GPR153: variants seen among roughly 807,000 people sequenced by gnomAD.
The protein encoded by GPR153 is G protein-coupled receptor 153.
A neutral mutation model predicts 34.1 loss-of-function variants in GPR153; 27 were observed. The ratio of observed to expected loss-of-function variants is 0.79; its 90% CI spans 0.58 to 1.09. GPR153 has a LOEUF of 1.09. Among genes scored for constraint, GPR153 ranks in the 50% least tolerant of loss-of-function variants. GPR153 has a pLI of 0.00. For missense variants in GPR153, 848 were observed against 860.2 expected, an observed-to-expected ratio of 0.99 and a Z score of 0.18; for synonymous variants, 408 against 405.4, an observed-to-expected ratio of 1.01 and a Z score of -0.08.
In GPR153 at chr1:6,250,485, G is replaced by C. The variant is rs1638420151; in HGVS notation, c.1119C>G (p.Leu373=). 1.9e-6 allele frequency: 3 copies of C among 1,610,262 alleles called. No individual in the cohort carries two copies. In the East Asian group the frequency reaches 6.7e-5, roughly 36 times the overall value. Residue 373 remains leucine (L), a synonymous_variant, in exon 5 of 6, where the codon CTC becomes CTG. Coordinates refer to ENST00000377893, the MANE Select transcript of GPR153 (RefSeq NM_207370.4). ...CCTCCTGCAAGGGCCGCAGTGGGTA[G>C]AGCTGGGGCAGGCCCCCCTCCAGGG... The part of the protein sequence containing the change: ...ISALEGGLPQ[L]YPLRPLQEDK...
intron 1 of GPR153, among the ~76,000 whole-genome samples, chr1:6,258,858 CTGG>C (rs907802702): frequency 3.3e-5 from 5 of 152,202 alleles, no homozygotes; most frequent in African/African-American, 1.2e-4. Flanking sequence ...GTGTTGATTA[CTGG>C]TGCAGGGTGG....
Position 6,249,170 on chromosome 1 carries a change from A to C in GPR153, c.*168T>G. On this transcript the variant is annotated 3_prime_UTR_variant, in exon 6 of 6. Coordinates refer to ENST00000377893, the MANE Select transcript of GPR153 (RefSeq NM_207370.4). This position sits in a 1 kb window ranked among gnomAD's most constrained non-coding sequence, Gnocchi z 4.3. ...GTCCGGGGCAGCCGTCGCCCCTGGGACAAGGCCAGCTGGGAGGAGCCGGAA... is the reference window on the plus strand; with the variant it reads ...GTCCGGGGCAGCCGTCGCCCCTGGGCCAAGGCCAGCTGGGAGGAGCCGGAA... 2.1e-6 allele frequency: 1 copy of C among 485,108 alleles called. No homozygotes were observed. Among genetic ancestry groups the C allele is most frequent in the Non-Finnish European group, 3.2e-6 (1 of 308,794 alleles). 30.1% of individuals were successfully genotyped at this position (485,108 alleles called of 1,614,324 possible).
At position 6,248,980 on chromosome 1, in the gene GPR153, CCT is replaced by C. The variant is rs1180105876; in HGVS notation, c.*356_*357del. 1.0e-5 allele frequency: 2 copies of C among 194,890 alleles called. No individual in the cohort carries two copies. Among genetic ancestry groups the C allele is most frequent in the Non-Finnish European group, 2.1e-5 (2 of 96,634 alleles). The allele number at this position is 194,890 out of a possible 1,614,324, so 12.1% of individuals were successfully genotyped here. A position where few individuals can be genotyped will look rare whatever the true frequency, so the allele number is the denominator to read the frequency against. On this transcript the variant is annotated 3_prime_UTR_variant, in exon 6 of 6. Coordinates refer to ENST00000377893, the MANE Select transcript of GPR153 (RefSeq NM_207370.4). ...GGGCTTTGTCCGATCCCGCAGTGGC[CCT>C]GTCTCAGGTTCCCTGCTCCCGACGT...
Position 6,250,511 on chromosome 1 carries a change from CGGA to C in GPR153, c.1090_1092del (p.Ser364del). 2 of 1,609,742 alleles carry C rather than the reference CGGA, an allele frequency of 1.2e-6. No homozygotes were observed. The highest frequency in any genetic ancestry group is 2.2e-5 in the South Asian group (2 of 89,894). On this transcript the variant is annotated inframe_deletion, in exon 5 of 6. Transcript: ENST00000377893. ...AGCTGGGGCAGGCCCCCCTCCAGGG[CGGA>C]GATCTCATACTTGGCCATCCTATCT...
intron 1 of GPR153, among the ~76,000 whole-genome samples, chr1:6,260,179 T>G (rs923170187): frequency 1.3e-5 from 2 of 151,970 alleles, no homozygotes; most frequent in Non-Finnish European, 2.9e-5. Flanking sequence ...AACCCAGAAC[T>G]TGAAAGGATT....
rs1638335525 is a variant in GPR153 at position 6,247,859 on chromosome 1, T to C, written c.*1479A>G. On this transcript the variant is annotated 3_prime_UTR_variant, in exon 6 of 6. Coordinates refer to ENST00000377893, the MANE Select transcript of GPR153 (RefSeq NM_207370.4). The stretch of plus-strand genomic sequence containing the variant: ...TGTGGCCACAGCTCATACCCCCAGT[T>C]ACCCCACAGCCAGGGACTGGAGGGG... 6.6e-6 allele frequency: 1 copy of C among 152,296 alleles called. No homozygotes were observed. The highest frequency in any genetic ancestry group is 2.1e-4 in the South Asian group (1 of 4,834). The allele number at this position is 152,296 out of a possible 1,614,324, so 9.4% of individuals were successfully genotyped here. A position where few individuals can be genotyped will look rare whatever the true frequency, so the allele number is the denominator to read the frequency against.
chr1:6,258,548 G>A (rs1449509679), intron 1 of GPR153, among the ~76,000 whole-genome samples: 2 of 152,190 alleles, frequency 1.3e-5, no homozygotes, highest in African/African-American at 2.4e-5. Context: ...CAGGAGTGAG[G>A]GGAGCACTGG....
chr1:6,254,663 A>G lies in GPR153; in HGVS notation c.243T>C (p.Gly81=). The stretch of plus-strand genomic sequence containing the variant: ...AGGTGGACACGAAGACCTTGCAGAG[A>G]CCCTCATTCCACTCGAAGTCGGGGC... The part of the protein sequence containing the change: ...RQRPDFEWNE[G]LCKVFVSTFY... The change falls in exon 2 of 6, where the codon GGT becomes GGC. Residue 81 remains glycine (G), a synonymous_variant. Coordinates refer to ENST00000377893, the MANE Select transcript of GPR153 (RefSeq NM_207370.4). The G allele has an allele frequency of 3.7e-6, 6 of 1,613,610 alleles. No individual in the cohort carries two copies. Among genetic ancestry groups the G allele is most frequent in the Non-Finnish European group, 5.1e-6 (6 of 1,179,854 alleles).
chr1:6,255,983 A>AG (rs1156494529), intron 1 of GPR153, among the ~76,000 whole-genome samples: 2 of 152,066 alleles, frequency 1.3e-5, no homozygotes, highest in Non-Finnish European at 2.9e-5. Flanking sequence ...ATTATAGAGA[A>AG]GGGGTCTTGC....
At position 6,249,522 on chromosome 1, in the gene GPR153, C is replaced by T; in HGVS notation, c.1646G>A (p.Gly549Glu). 1 of 1,216,198 alleles carries T rather than the reference C, an allele frequency of 8.2e-7. No individual in the cohort carries two copies. Among genetic ancestry groups the T allele is most frequent in the Non-Finnish European group, 1.0e-6 (1 of 979,278 alleles). The allele number at this position is 1,216,198 out of a possible 1,614,324, so 75.3% of individuals were successfully genotyped here. A position where few individuals can be genotyped will look rare whatever the true frequency, so the allele number is the denominator to read the frequency against. ...GTGCGAGTGCGCAGAGGGGCGTGGCCCTGGGCTCCGCTGGGCGCTGCTTGG... is the reference window on the plus strand; with the variant it reads ...GTGCGAGTGCGCAGAGGGGCGTGGCTCTGGGCTCCGCTGGGCGCTGCTTGG... ...TPPSSAQRSP[G>E]PRPSAHSHAG... Residue 549 changes from glycine (G) to glutamate (E), a missense_variant, in exon 6 of 6, where the codon GGG becomes GAG. By Grantham distance (98) the Gly-to-Glu change is moderately conservative. Transcript: ENST00000377893. This position sits in a 1 kb window ranked among gnomAD's most constrained non-coding sequence, Gnocchi z 4.3.
In GPR153 at chr1:6,253,961, G is replaced by A. The variant is rs777005637; in HGVS notation, c.543C>T (p.Gly181=). 62 of 1,612,530 alleles carry A rather than the reference G, an allele frequency of 3.8e-5. No individual in the cohort carries two copies. The South Asian group carries it at 5.4e-4, about 14-fold the overall frequency. The part of the protein sequence containing the change: ...GFGVCFLLLV[G]GSVAMGVICT... ...AGATCACGCCCATGGCCACGCTGCC[G>A]CCCACCAGCAGCAGGAAGCAGACGC... Residue 181 remains glycine (G), a synonymous_variant, in exon 3 of 6, where the codon GGC becomes GGT. Transcript: ENST00000377893.
At position 6,249,949 on chromosome 1, in the gene GPR153, G is replaced by T. The variant is rs1235565467; in HGVS notation, c.1219C>A (p.Pro407Thr). 2.3e-6 allele frequency: 3 copies of T among 1,282,796 alleles called. No homozygotes were observed. Among genetic ancestry groups the T allele is most frequent in the Middle Eastern group, 3.0e-4 (1 of 3,324 alleles). The allele number at this position is 1,282,796 out of a possible 1,614,324, so 79.5% of individuals were successfully genotyped here. Residue 407 changes from proline (P) to threonine (T), a missense_variant, in exon 6 of 6, where the codon CCG becomes ACG. Physicochemically the swap from Pro to Thr is conservative, Grantham distance 38 (BLOSUM62 -1). Coordinates refer to ENST00000377893, the MANE Select transcript of GPR153 (RefSeq NM_207370.4). The surrounding 1 kb of genome is among the most constrained non-coding windows in gnomAD (Gnocchi z 4.3). ...HDDADVWAAV[P>T]LPAFLPRWGS... ...CAGCGCGGCAGGAAGGCGGGCAGCGGGACGGCGGCCCACACGTCCGCATCG... is the reference window on the plus strand; with the variant it reads ...CAGCGCGGCAGGAAGGCGGGCAGCGTGACGGCGGCCCACACGTCCGCATCG...
In GPR153 at chr1:6,251,442, A is replaced by G. The variant is rs781074271; in HGVS notation, c.875T>C (p.Leu292Pro). 1.7e-5 allele frequency: 28 copies of G among 1,613,342 alleles called. No individual in the cohort carries two copies. Among genetic ancestry groups the G allele is most frequent in the Non-Finnish European group, 2.0e-5 (24 of 1,179,984 alleles). ...VLWCSVAQAL[L>P]LPVFLWACDR... ...GCAGGCCCAGAGGAACACAGGCAGC[A>G]GCAGGGCCTGGGCCACGGAGCACCA... The change falls in exon 4 of 6, where the codon CTG becomes CCG. Residue 292 changes from leucine to proline, a missense_variant. Physicochemically the swap from Leu to Pro is moderately conservative, Grantham distance 98 (BLOSUM62 -3). Transcript: ENST00000377893. The surrounding 1 kb of genome is among the most constrained non-coding windows in gnomAD (Gnocchi z 4.9).
In GPR153 at chr1:6,251,823, T is replaced by C. The variant is rs1433409029; in HGVS notation, c.787-293A>G. Among the ~76,000 whole-genome samples the C allele has an allele frequency of 1.3e-5, 2 of 152,138 alleles. No individual in the cohort carries two copies. The highest frequency in any genetic ancestry group is 2.9e-5 in the Non-Finnish European group (2 of 68,024). ...TCCTCCCCGCTTTGTTTTGAGACAG[T>C]CTCATTCTGTCACCCAGGCTGGAGT... On this transcript the variant is annotated intron_variant, in intron 3 of 5. Coordinates refer to ENST00000377893, the MANE Select transcript of GPR153 (RefSeq NM_207370.4). The surrounding 1 kb of genome is among the most constrained non-coding windows in gnomAD (Gnocchi z 4.9).
At position 6,249,466 on chromosome 1, in the gene GPR153, A is replaced by C. The variant is rs1638382981; in HGVS notation, c.1702T>G (p.Ser568Ala). 2.3e-6 allele frequency: 3 copies of C among 1,331,152 alleles called. No homozygotes were observed. Among genetic ancestry groups the C allele is most frequent in the South Asian group, 2.0e-5 (1 of 50,196 alleles). 82.5% of individuals were successfully genotyped at this position (1,331,152 alleles called of 1,614,324 possible). A position where few individuals can be genotyped will look rare whatever the true frequency, so the allele number is the denominator to read the frequency against. Residue 568 changes from serine (S) to alanine (A), a missense_variant, in exon 6 of 6, where the codon TCG (serine) becomes GCG (alanine). Ser to Ala is a moderately conservative substitution (Grantham distance 99). Transcript: ENST00000377893. This position sits in a 1 kb window ranked among gnomAD's most constrained non-coding sequence, Gnocchi z 4.3. ...CGCAGCCCCCCGGGCTCGCCCCACG[A>C]CGCGCTCAGGCCGGGGCGCAGAGAG... ...AGSLRPGLSA[S>A]WGEPGGLRAA...
rs1638445050 is a variant in GPR153, at chr1:6,251,402, A to G, written c.915T>C (p.Ala305=). The G allele has an allele frequency of 1.2e-6, 2 of 1,613,590 alleles. No individual in the cohort carries two copies. Among genetic ancestry groups the G allele is most frequent in the South Asian group, 1.1e-5 (1 of 91,072 alleles). The change falls in exon 4 of 6, where the codon GCT becomes GCC. Residue 305 remains alanine (A), a synonymous_variant. Transcript: ENST00000377893. The surrounding 1 kb of genome is among the most constrained non-coding windows in gnomAD (Gnocchi z 4.9). The part of the protein sequence containing the change: ...VFLWACDRYR[A]DLKAVREKCM... ...ACTTCTCCCGGACAGCTTTGAGGTCAGCCCGGTAGCGGTCGCAGGCCCAGA... is the reference window on the plus strand; with the variant it reads ...ACTTCTCCCGGACAGCTTTGAGGTCGGCCCGGTAGCGGTCGCAGGCCCAGA...
chr1:6,257,359 C>T (rs1042150768), intron 1 of GPR153, among the ~76,000 whole-genome samples: 1 of 152,248 alleles, frequency 6.6e-6, no homozygotes, highest in African/African-American at 2.4e-5. Flanking sequence ...ATGGTCACCA[C>T]CTTCCTGACC....
Position 6,254,890 on chromosome 1 carries a change from GC to G in GPR153, c.15del (p.Arg6GlyfsTer50). MSDE[R>X]RLPGSAVGWL... The stretch of plus-strand genomic sequence containing the variant: ...CAGCCCACTGCACTGCCAGGCAGCC[GC>G]CGCTCATCACTCATGGTGCAGACCG... On this transcript the variant is annotated frameshift_variant, in exon 2 of 6. Transcript: ENST00000377893. LOFTEE classifies it high-confidence loss of function. 6.4e-7 allele frequency: 1 copy of G among 1,570,532 alleles called. No individual in the cohort carries two copies.
At position 6,250,038 on chromosome 1, in the gene GPR153, C is replaced by T. The variant is rs558673282; in HGVS notation, c.1165-35G>A. On this transcript the variant is annotated intron_variant, in intron 5 of 5. Transcript: ENST00000377893. ...CGCGGCTGGCTTTTACCCCGAGCTG[C>T]CCTCCTGGGAAACGGGGACAAACCC... 3.7e-5 allele frequency: 47 copies of T among 1,256,660 alleles called. 1 individual carries two copies. The South Asian group carries it at 1.2e-3, about 33-fold the overall frequency. The allele number at this position is 1,256,660 out of a possible 1,614,324, so 77.8% of individuals were successfully genotyped here. A position where few individuals can be genotyped will look rare whatever the true frequency, so the allele number is the denominator to read the frequency against.
Sources: gnomAD v4.1 joint callset for allele counts (sites outside exome capture counted in the v4.1 genomes callset) on GRCh38, gnomAD v4.1.1 for gene constraint, Gnocchi (gnomAD v3.1) non-coding constraint, MANE v1.5 for transcripts, NCBI Gene and HGNC (gene_info 2026-07-23, HGNC 2026-07-21) for gene names.